The following BRCC3 variants were observed in gnomAD, a reference collection of about 807,000 sequenced individuals.
BRCC3 encodes the protein BRCA1/BRCA2-containing complex subunit 3, also known as lys-63-specific deubiquitinase BRCC36.
Under a neutral mutation model 28.0 loss-of-function variants are expected in BRCC3, and 15 were observed. The observed-to-expected ratio is 0.54, with a 90% confidence interval of 0.36 to 0.82. BRCC3 has a LOEUF of 0.82. BRCC3 is among the 40% of genes least tolerant of loss of function. The pLI is 0.01. For missense variants in BRCC3, 109 were observed against 225.9 expected (o/e 0.48, Z 3.32); for synonymous variants, 66 against 80.3 (o/e 0.82, Z 0.95).
intron 5 of BRCC3, among the ~76,000 whole-genome samples, chrX:155,085,780 G>T (rs2074120020): frequency 8.9e-6 from 1 of 111,808 alleles, no homozygotes; most frequent in African/African-American, 3.3e-5. Context: ...TCTCAAGCAG[G>T]GTCTTGGCTT....
intron 7 of BRCC3, among the ~76,000 whole-genome samples, chrX:155,097,654 G>A (rs2074219265): frequency 8.9e-6 from 1 of 112,420 alleles, no homozygotes; most frequent in Admixed American, 9.4e-5. Flanking sequence ...TGGAACCCTT[G>A]TACACTGTTG....
At chrX:155,114,944 A>T (rs1557298539) in intron 7 of BRCC3, among the ~76,000 whole-genome samples, 2 of 111,824 alleles carry the variant, frequency 1.8e-5, no homozygotes, top group African/African-American at 3.3e-5. Context: ...AAGCAAACTA[A>T]AATAGGCACA....
intron 4 of BRCC3, among the ~76,000 whole-genome samples, chrX:155,078,319 T>C (rs1452115428): frequency 1.8e-5 from 2 of 112,291 alleles, no homozygotes; most frequent in Non-Finnish European, 3.8e-5. Flanking sequence ...AAGTGACAAC[T>C]TCTGAAGATT....
intron 5 of BRCC3, among the ~76,000 whole-genome samples, chrX:155,086,300 G>C (rs12007412): frequency 1.8e-5 from 2 of 111,330 alleles, no homozygotes; most frequent in Non-Finnish European, 3.8e-5. Context: ...ACATGCATGC[G>C]ATGTCCACAT....
chrX:155,104,480 G>C (rs1381261478), intron 7 of BRCC3, among the ~76,000 whole-genome samples: 1 of 112,346 alleles, frequency 8.9e-6, no homozygotes, highest in Non-Finnish European at 1.9e-5. Context: ...AATATTATGA[G>C]ATTTTCCATT....
At chrX:155,076,113 G>T (rs1184203621) in intron 3 of BRCC3, among the ~76,000 whole-genome samples, 3 of 112,291 alleles carry the variant, frequency 2.7e-5, no homozygotes, top group African/African-American at 9.7e-5. Flanking sequence ...TTATCACACT[G>T]TAAAGAACTC....
At chrX:155,110,457 A>G (rs1557298013) in intron 7 of BRCC3, among the ~76,000 whole-genome samples, 2 of 110,874 alleles carry the variant, frequency 1.8e-5, no homozygotes, top group African/African-American at 3.3e-5. Flanking sequence ...TTATCCTAGA[A>G]CTTTAGTTTA....
intron 5 of BRCC3, among the ~76,000 whole-genome samples, chrX:155,084,162 A>G (rs1358865223): frequency 8.9e-6 from 1 of 112,474 alleles, no homozygotes; most frequent in Non-Finnish European, 1.9e-5. Flanking sequence ...TTGCAAAAGA[A>G]AAATAAGTGA....
At chrX:155,081,832 T>C (rs1476365112) in intron 5 of BRCC3, among the ~76,000 whole-genome samples, 1 of 111,678 alleles carries the variant, frequency 9.0e-6, no homozygotes, top group Non-Finnish European at 1.9e-5. Context: ...TCAGGAAATT[T>C]ACTGGATACC....
At chrX:155,119,425 A>G (rs1270659440) in intron 9 of BRCC3, among the ~76,000 whole-genome samples, 1 of 112,464 alleles carries the variant, frequency 8.9e-6, no homozygotes, top group African/African-American at 3.2e-5. Context: ...AGAGTACCTT[A>G]GAATCTTTGT....
chrX:155,106,260 T>C (rs782812411), intron 7 of BRCC3, among the ~76,000 whole-genome samples: 15 of 112,011 alleles, frequency 1.3e-4, no homozygotes, highest in Non-Finnish European at 2.4e-4. Flanking sequence ...CTTTTTTGCT[T>C]TGTTAATGTT....
chrX:155,099,185 G>GTTTTT, intron 7 of BRCC3: 3 of 578,568 alleles, frequency 5.2e-6, no homozygotes, highest in Non-Finnish European at 6.9e-6. Context: ...AATTAGAAAT[G>GTTTTT]TTTTTTTTTT....
chrX:155,092,812 A>G (rs1557295822), intron 7 of BRCC3, among the ~76,000 whole-genome samples: 1 of 110,762 alleles, frequency 9.0e-6, no homozygotes, highest in Non-Finnish European at 1.9e-5. Flanking sequence ...ATTTTATGTT[A>G]TCTTTCTTGG....
intron 5 of BRCC3, among the ~76,000 whole-genome samples, chrX:155,084,016 T>C (rs1557294464): frequency 1.8e-5 from 2 of 112,065 alleles, no homozygotes; most frequent in Non-Finnish European, 3.8e-5. Context: ...TCACTTTGAT[T>C]GAACAAGTGG....
chrX:155,084,087 A>C (rs969716974), intron 5 of BRCC3, among the ~76,000 whole-genome samples: 2 of 112,468 alleles, frequency 1.8e-5, no homozygotes, highest in Admixed American at 1.9e-4. Flanking sequence ...ATGGGGAAAG[A>C]GATATAGTTC....
intron 7 of BRCC3, among the ~76,000 whole-genome samples, chrX:155,104,381 T>C (rs7051718): frequency 0.22 from 24,170 of 111,738 alleles, 2,034 homozygotes; most frequent in South Asian, 0.39. Flanking sequence ...TTTTAAGCTT[T>C]GTTAGGCAGA....
chrX:155,096,881 A>C (rs1426852934), intron 7 of BRCC3, among the ~76,000 whole-genome samples: 1 of 112,368 alleles, frequency 8.9e-6, no homozygotes, highest in Non-Finnish European at 1.9e-5. Context: ...ACCGTCAACA[A>C]AGATGTCAGG....
chrX:155,072,153 G>C (rs782136170), intron 1 of BRCC3, among the ~76,000 whole-genome samples, 174 bp from the exon 2 acceptor site: 28 of 112,277 alleles, frequency 2.5e-4, no homozygotes, highest in Middle Eastern at 4.6e-3. Context: ...TTGTGTTGAG[G>C]AGGGGCCGAA....
intron 7 of BRCC3, among the ~76,000 whole-genome samples, chrX:155,109,111 A>G (rs1650267030): frequency 9.0e-6 from 1 of 111,311 alleles, no homozygotes; most frequent in South Asian, 3.8e-4. Flanking sequence ...TTTGCCTTAA[A>G]TCAGTCGTCC....
Sources: gnomAD v4.1 joint callset for allele counts (sites outside exome capture counted in the v4.1 genomes callset) on GRCh38, gnomAD v4.1.1 for gene constraint, MANE v1.5 for transcripts, NCBI Gene and HGNC (gene_info 2026-07-23, HGNC 2026-07-21) for gene names.